NEDD4: variants seen among roughly 807,000 people sequenced by gnomAD.
NEDD4 encodes NEDD4 E3 ubiquitin protein ligase.
Under a neutral mutation model 144.9 loss-of-function variants are expected in NEDD4, and 99 were observed. The ratio of observed to expected loss-of-function variants is 0.68; its 90% CI spans 0.58 to 0.81. The LOEUF (loss-of-function observed/expected upper bound fraction) is 0.81, where lower values mean the gene tolerates loss of function less well. NEDD4 is among the 30% of genes least tolerant of loss of function. The probability of loss-of-function intolerance (pLI) is 0.00; values close to 1 mark genes in which losing one functional copy is unlikely to be tolerated. For synonymous variants in NEDD4, 318 were observed against 350.6 expected (o/e 0.91, Z 1.04); for missense variants, 985 against 1,065.9 (o/e 0.92, Z 1.06).
chr15:55,923,837 T>A (rs1391875294), intron 5 of NEDD4, among the ~76,000 whole-genome samples: 1 of 150,160 alleles, frequency 6.7e-6, no homozygotes, highest in Non-Finnish European at 1.5e-5. Flanking sequence ...AGACTTTTTT[T>A]TAAAAAAAAA....
intron 5 of NEDD4, among the ~76,000 whole-genome samples, chr15:55,894,780 T>A (rs1285022828): frequency 2.0e-5 from 3 of 152,208 alleles, no homozygotes; most frequent in Admixed American, 2.0e-4. Context: ...AACCATTTTT[T>A]AATATGCTAC....
Position 55,837,794 on chromosome 15 carries a change from T to A in NEDD4, c.2257A>T (p.Lys753Ter). The part of the protein sequence containing the change: ...NRIQKQMAAF[K>*]EGFFELIPQD... ...AAATAAAAGAAAATGAATACCTCTT[T>A]AAAAGCAGCCATTTGCTTCTGGATT... Residue 753 changes from lysine (K) to a stop codon, truncating the protein, a stop_gained, in exon 24 of 29, where the codon AAA becomes TAA. Coordinates refer to ENST00000435532, the MANE Select transcript of NEDD4 (RefSeq NM_006154.4). LOFTEE classifies it high-confidence loss of function. 1 of 1,610,966 alleles carries A rather than the reference T, an allele frequency of 6.2e-7. No homozygotes were observed. The highest frequency in any genetic ancestry group is 8.5e-7 in the Non-Finnish European group (1 of 1,177,624).
chr15:55,895,077 T>A (rs2035697006), intron 5 of NEDD4, among the ~76,000 whole-genome samples: 1 of 152,168 alleles, frequency 6.6e-6, no homozygotes, highest in Non-Finnish European at 1.5e-5. Context: ...AGAACTAAGG[T>A]ATAAAGTTAT....
chr15:55,930,095 G>A (rs1382477683), intron 4 of NEDD4, among the ~76,000 whole-genome samples: 1 of 152,138 alleles, frequency 6.6e-6, no homozygotes, highest in Non-Finnish European at 1.5e-5. Context: ...CCTAAAAAAA[G>A]AGGCTGGGCA....
chr15:55,986,473 T>G (rs1410012675), intron 1 of NEDD4, among the ~76,000 whole-genome samples: 1 of 151,752 alleles, frequency 6.6e-6, no homozygotes, highest in South Asian at 2.1e-4. Flanking sequence ...ATCATTTCTA[T>G]GATTCCTGCC....
chr15:55,886,086 T>A (rs1244286959), intron 5 of NEDD4, among the ~76,000 whole-genome samples: 1 of 151,960 alleles, frequency 6.6e-6, no homozygotes, highest in African/African-American at 2.4e-5. Flanking sequence ...AGACAAAAAC[T>A]ATAAAAAAAG....
chr15:55,979,642 C>A (rs1036356807), intron 1 of NEDD4, among the ~76,000 whole-genome samples: 3 of 151,722 alleles, frequency 2.0e-5, no homozygotes, highest in Non-Finnish European at 4.4e-5. Flanking sequence ...CGTGAGCCAC[C>A]GCGCCCGGCG....
chr15:55,912,662 A>G (rs2036313414), intron 5 of NEDD4, among the ~76,000 whole-genome samples: 1 of 152,142 alleles, frequency 6.6e-6, no homozygotes, highest in Admixed American at 6.5e-5. Context: ...ATACAGATTT[A>G]GAAATCTGAA....
chr15:55,842,308 G>A (rs2033551351), intron 18 of NEDD4, 145 bp from the exon 19 acceptor site: 1 of 665,158 alleles, frequency 1.5e-6, no homozygotes, highest in African/African-American at 1.8e-5. Context: ...AACACAACTA[G>A]GTATATTGTC....
intron 4 of NEDD4, among the ~76,000 whole-genome samples, chr15:55,941,076 G>T (rs1230956620): frequency 6.6e-6 from 1 of 151,972 alleles, no homozygotes; most frequent in Non-Finnish European, 1.5e-5. Flanking sequence ...GTATCTGTAG[G>T]TTCCCTCCTC....
At chr15:55,983,478 A>G (rs1288659200) in intron 1 of NEDD4, among the ~76,000 whole-genome samples, 1 of 151,636 alleles carries the variant, frequency 6.6e-6, no homozygotes, top group Non-Finnish European at 1.5e-5. Context: ...TCTTTTGCAC[A>G]TGTGGTTCTA....
At chr15:55,842,489 T>G (rs575525367) in intron 18 of NEDD4, among the ~76,000 whole-genome samples, 2 of 152,262 alleles carry the variant, frequency 1.3e-5, no homozygotes, top group African/African-American at 4.8e-5. Flanking sequence ...TGGGCTCAAG[T>G]GATCCTCTTG....
Position 55,980,271 on chromosome 15 carries a change from CAG to C in NEDD4, c.45+13238_45+13239del, listed in dbSNP as rs1257397741. Among the ~76,000 whole-genome samples, 3 of 152,272 alleles carry C rather than the reference CAG, an allele frequency of 2.0e-5. No individual in the cohort carries two copies. In the East Asian group the frequency reaches 5.8e-4, roughly 29 times the overall value. On this transcript the variant is annotated intron_variant, in intron 1 of 28. Transcript: ENST00000435532. Reference sequence around the variant, plus strand: ...CTTTATACCCCTCTGTAGAAACAAACAGAATACTTGGCGCACAGTAGGGGCTG... The same window carrying C: ...CTTTATACCCCTCTGTAGAAACAAACAATACTTGGCGCACAGTAGGGGCTG...
chr15:55,873,930 A>G, intron 6 of NEDD4, 28 bp downstream of exon 6: 1 of 1,382,362 alleles, frequency 7.2e-7, no homozygotes, highest in South Asian at 1.6e-5. Flanking sequence ...ATAAGCCCAA[A>G]AGGAAAATCA....
At chr15:55,955,486 C>A (rs188660170) in intron 2 of NEDD4, among the ~76,000 whole-genome samples, 1 of 152,128 alleles carries the variant, frequency 6.6e-6, no homozygotes, top group East Asian at 1.9e-4. Flanking sequence ...CACCCCTCAC[C>A]CCAACACAGC....
intron 5 of NEDD4, chr15:55,905,092 CA>C (rs59917604): frequency 0.055 from 13,381 of 241,974 alleles, no homozygotes; most frequent in South Asian, 0.079. Flanking sequence ...AATTCCGTCT[CA>C]AAAAAAAAAA....
chr15:55,942,116 A>G (rs1595863783), intron 4 of NEDD4, among the ~76,000 whole-genome samples: 1 of 151,734 alleles, frequency 6.6e-6, no homozygotes, highest in Non-Finnish European at 1.5e-5. Context: ...AAAATCAACT[A>G]TTGTGGATTT....
intron 4 of NEDD4, among the ~76,000 whole-genome samples, chr15:55,947,481 T>C (rs1484240727): frequency 6.6e-6 from 1 of 152,188 alleles, no homozygotes; most frequent in East Asian, 1.9e-4. Flanking sequence ...GTTGAATCTC[T>C]GAATAGACCA....
chr15:55,968,484 A>T (rs1225468503), intron 1 of NEDD4, among the ~76,000 whole-genome samples: 1 of 150,146 alleles, frequency 6.7e-6, no homozygotes, highest in Non-Finnish European at 1.5e-5. Flanking sequence ...CTGTAGACAT[A>T]TCTAAAATAT....
Sources: gnomAD v4.1 joint callset for allele counts (sites outside exome capture counted in the v4.1 genomes callset) on GRCh38, gnomAD v4.1.1 for gene constraint, MANE v1.5 for transcripts, NCBI Gene and HGNC (gene_info 2026-07-23, HGNC 2026-07-21) for gene names.